Variants in CETP observed in about 807,000 individuals in gnomAD.
CETP encodes cholesteryl ester transfer protein.
CETP carries 56 observed loss-of-function variants against 66.5 expected under a neutral mutation model. The observed-to-expected ratio is 0.84, with a 90% CI of 0.68 to 1.05. The LOEUF is 1.05. CETP is among the 50% of genes least tolerant of loss of function. The pLI is 0.00. For synonymous variants in CETP, 251 were observed against 245.7 expected, an observed-to-expected ratio of 1.02 and a Z score of -0.20; for missense variants, 612 against 609.6, an observed-to-expected ratio of 1.00 and a Z score of -0.04.
chr16:56,969,364 C>T, intron 2 of CETP, 22 bp from the exon 3 acceptor site: 1 of 1,613,166 alleles, frequency 6.2e-7, no homozygotes, highest in Non-Finnish European at 8.5e-7. Context: ...CAACATCCTT[C>T]CTCACTTCCA....
At chr16:56,983,554 C>A (rs769923827) in intron 15 of CETP, 38 bp from the exon 16 acceptor site, 10 of 1,611,612 alleles carry the variant, frequency 6.2e-6, no homozygotes, top group Non-Finnish European at 8.5e-6. Context: ...TGGGAGTCAG[C>A]CCAGCTCGCC....
In CETP at chr16:56,983,733, C is replaced by G; in HGVS notation, c.*67C>G. 1 of 1,436,066 alleles carries G rather than the reference C, an allele frequency of 7.0e-7. No individual in the cohort carries two copies. Among genetic ancestry groups the G allele is most frequent in the Non-Finnish European group, 9.8e-7 (1 of 1,017,954 alleles). The allele number at this position is 1,436,066 out of a possible 1,614,324, so 89.0% of individuals were successfully genotyped here. On this transcript the variant is annotated 3_prime_UTR_variant, in exon 16 of 16. Coordinates refer to ENST00000200676, the MANE Select transcript of CETP (RefSeq NM_000078.3). ...AAGCACCAGGCTCACAGCTGGAACC[C>G]TGGTGTCTCCTCCAGCGTGGTGGAA...
intron 15 of CETP, 46 bp from the exon 16 acceptor site, chr16:56,983,546 G>A (rs1251259708): frequency 4.3e-6 from 7 of 1,609,836 alleles, no homozygotes; most frequent in Non-Finnish European, 6.0e-6. Flanking sequence ...TGGTGGCCTG[G>A]GAGTCAGCCC....
intron 1 of CETP, 75 bp downstream of exon 1, chr16:56,962,172 C>T: frequency 7.7e-7 from 1 of 1,301,688 alleles, no homozygotes; most frequent in Non-Finnish European, 1.1e-6. Context: ...GCCTCCCTGG[C>T]CTGAAGCCAG....
chr16:56,976,701 C>G (rs183643372), intron 10 of CETP, among the ~76,000 whole-genome samples: 1 of 152,226 alleles, frequency 6.6e-6, no homozygotes, highest in Admixed American at 6.5e-5. Context: ...TGCCTACCTC[C>G]TGGAATTTCC....
intron 6 of CETP, 107 bp downstream of exon 6, chr16:56,971,209 G>A (rs2056107373): frequency 8.0e-6 from 12 of 1,506,102 alleles, no homozygotes; most frequent in Middle Eastern, 1.7e-4. Context: ...CCTTCTCCAT[G>A]TGGCCAGTCC....
intron 13 of CETP, 122 bp from the exon 14 acceptor site, chr16:56,982,043 G>A: frequency 2.1e-6 from 2 of 944,942 alleles, no homozygotes; most frequent in Admixed American, 3.8e-5. Flanking sequence ...AACGGAGTGG[G>A]TTGGATGTAT....
At chr16:56,973,578 A>G (rs2056129294) in intron 9 of CETP, 68 bp downstream of exon 9, 2 of 1,565,440 alleles carry the variant, frequency 1.3e-6, no homozygotes. Context: ...GTGCACACGC[A>G]TGGGGAGGAG....
intron 13 of CETP, 93 bp downstream of exon 13, chr16:56,981,773 AC>A: frequency 7.9e-7 from 1 of 1,267,888 alleles, no homozygotes; most frequent in Non-Finnish European, 1.2e-6. Context: ...AAATCAGGCA[AC>A]CAGACCAAAA....
chr16:56,967,523 C>T (rs1352711879), intron 2 of CETP, among the ~76,000 whole-genome samples: 3 of 151,404 alleles, frequency 2.0e-5, no homozygotes, highest in Non-Finnish European at 4.4e-5. Context: ...GATGTCGTGG[C>T]GGGAGCCTGT....
chr16:56,962,045 C>A lies in CETP; in HGVS notation c.66C>A (p.Thr22=), dbSNP rs5884. 4,458 of 1,614,142 alleles carry A rather than the reference C, an allele frequency of 2.8e-3. 79 individuals are homozygous for A. The African/African-American group carries it at 0.049, about 18-fold the overall frequency. The change falls in exon 1 of 16, where the codon ACC becomes ACA. Residue 22 remains threonine (T), a synonymous_variant. Coordinates refer to ENST00000200676, the MANE Select transcript of CETP (RefSeq NM_000078.3). ...LGNAHACSKG[T]SHEAGIVCRI... is the part of the protein sequence containing the mutation. ...ATGCCCATGCCTGCTCCAAAGGCAC[C>A]TCGCACGAGGCAGGCATCGTGTGCC...
At chr16:56,981,090 A>G in intron 11 of CETP, 68 bp from the exon 12 acceptor site, 1 of 1,164,934 alleles carries the variant, frequency 8.6e-7, no homozygotes, top group Non-Finnish European at 1.3e-6. Context: ...AGGGGCCCTG[A>G]GCTAGGAGGG....
At chr16:56,963,275 A>T in intron 2 of CETP, 151 bp downstream of exon 2, 2 of 679,730 alleles carry the variant, frequency 2.9e-6, no homozygotes, top group Non-Finnish European at 5.3e-6. Flanking sequence ...CACCTTCCCT[A>T]CCCCCACCCT....
Position 56,983,731 on chromosome 16 carries a change from C to G in CETP, c.*65C>G. 1 of 1,450,886 alleles carries G rather than the reference C, an allele frequency of 6.9e-7. No individual in the cohort carries two copies. The highest frequency in any genetic ancestry group is 9.7e-7 in the Non-Finnish European group (1 of 1,031,434). The allele number at this position is 1,450,886 out of a possible 1,614,324, so 89.9% of individuals were successfully genotyped here. Reference sequence around the variant, plus strand: ...GCAAGCACCAGGCTCACAGCTGGAACCCTGGTGTCTCCTCCAGCGTGGTGG... The same window carrying G: ...GCAAGCACCAGGCTCACAGCTGGAAGCCTGGTGTCTCCTCCAGCGTGGTGG... On this transcript the variant is annotated 3_prime_UTR_variant, in exon 16 of 16. Transcript: ENST00000200676.
In CETP at chr16:56,962,093, G is replaced by T; in HGVS notation, c.114G>T (p.Leu38=). The change falls in exon 1 of 16, where the codon CTG becomes CTT. Residue 38 remains leucine (L), a synonymous_variant. Transcript: ENST00000200676. ...GCCGCATCACCAAGCCTGCCCTCCT[G>T]GTGTGTAAGTATCAGTGCATCTGTC... is the stretch of plus-strand genomic sequence containing the variant. ...IVCRITKPAL[L]VLNHETAKVI... 6.2e-7 allele frequency: 1 copy of T among 1,613,106 alleles called. No individual in the cohort carries two copies.
chr16:56,982,217 G>A lies in CETP; in HGVS notation c.1301G>A (p.Gly434Asp), dbSNP rs1185442656. 1 of 1,613,994 alleles carries A rather than the reference G, an allele frequency of 6.2e-7. No homozygotes were observed. Among genetic ancestry groups the A allele is most frequent in the Non-Finnish European group, 8.5e-7 (1 of 1,180,008 alleles). ...CTGCAGTCAATGATCACCGCTGTGG[G>A]CATCCCTGAGGTCATGTCTCGTAAG... Reference protein sequence around the residue: ...SFLQSMITAVGIPEVMSRLEV... With the variant: ...SFLQSMITAVDIPEVMSRLEV... Residue 434 changes from glycine (G) to aspartate (D), a missense_variant, in exon 14 of 16, where the codon GGC (glycine) becomes GAC (aspartate). Coordinates refer to ENST00000200676, the MANE Select transcript of CETP (RefSeq NM_000078.3).
chr16:56,969,977 T>C lies in CETP; in HGVS notation c.503T>C (p.Leu168Pro), dbSNP rs1329944838. ...TGCTACCTGTCTTTCCATAAGCTGC[T>C]CCTGCATCTCCAAGGGGAGCGAGAG... Reference protein sequence around the residue: ...PDCYLSFHKLLLHLQGEREPG... With the variant: ...PDCYLSFHKLPLHLQGEREPG... The change falls in exon 5 of 16, where the codon CTC becomes CCC. Residue 168 changes from leucine to proline, a missense_variant. Coordinates refer to ENST00000200676, the MANE Select transcript of CETP (RefSeq NM_000078.3). The C allele has an allele frequency of 6.2e-7, 1 of 1,614,086 alleles. No homozygotes were observed. The highest frequency in any genetic ancestry group is 2.2e-5 in the East Asian group (1 of 44,882).
chr16:56,982,269 C>T (rs745496179), intron 14 of CETP, 32 bp downstream of exon 14: 13 of 1,603,008 alleles, frequency 8.1e-6, no homozygotes, highest in East Asian at 2.2e-5. Context: ...AACTGGGTGC[C>T]GAGGCTGACA....
chr16:56,963,214 C>T (rs2056038587), intron 2 of CETP, 90 bp downstream of exon 2: 4 of 1,030,848 alleles, frequency 3.9e-6, no homozygotes, highest in Non-Finnish European at 6.0e-6. Flanking sequence ...GGAGGAAAGG[C>T]AGCAGCTGGG....
Sources: gnomAD v4.1 joint callset for allele counts (sites outside exome capture counted in the v4.1 genomes callset) on GRCh38, gnomAD v4.1.1 for gene constraint, MANE v1.5 for transcripts, NCBI Gene and HGNC (gene_info 2026-07-23, HGNC 2026-07-21) for gene names.